PHLPP1: variants seen among roughly 807,000 people sequenced by gnomAD.
PHLPP1 encodes PH domain and leucine rich repeat protein phosphatase 1.
Under a neutral mutation model 117.2 loss-of-function variants are expected in PHLPP1, and 42 were observed. The observed-to-expected ratio is 0.36, with a 90% CI of 0.28 to 0.46. The LOEUF is 0.46. Among genes scored for constraint, PHLPP1 ranks in the 20% least tolerant of loss-of-function variants. The pLI is 1.00. For missense variants in PHLPP1, 2,084 were observed against 2,241.9 expected (o/e 0.93, Z 1.42); for synonymous variants, 1,042 against 970.7 (o/e 1.07, Z -1.37).
At chr18:62,959,496 G>C (rs770320757) in intron 13 of PHLPP1, among the ~76,000 whole-genome samples, 7 of 152,144 alleles carry the variant, frequency 4.6e-5, no homozygotes, top group Non-Finnish European at 8.8e-5. Context: ...AAGAGTTAAA[G>C]TGGTGTTATT....
At chr18:62,825,707 G>A (rs1914594331) in intron 1 of PHLPP1, among the ~76,000 whole-genome samples, 1 of 151,858 alleles carries the variant, frequency 6.6e-6, no homozygotes, top group Non-Finnish European at 1.5e-5. Context: ...TCCCACCTTG[G>A]CCTTTTAAAG....
intron 10 of PHLPP1, among the ~76,000 whole-genome samples, chr18:62,926,165 G>A (rs899330358): frequency 6.6e-6 from 1 of 152,126 alleles, no homozygotes; most frequent in Admixed American, 6.6e-5. Flanking sequence ...AGTCAATGAT[G>A]TTTAGAATAC....
rs192067156 is a variant in PHLPP1, at chr18:62,857,510, G to A, written c.1900-2925G>A. Among the ~76,000 whole-genome samples, 141 of 152,276 alleles carry A rather than the reference G, an allele frequency of 9.3e-4. No homozygotes were observed. In the Middle Eastern group the frequency reaches 0.014, roughly 15 times the overall value. On this transcript the variant is annotated intron_variant, in intron 3 of 16. Transcript: ENST00000262719. ...GATCAGTCTGTGGCTTCAGCAGATA[G>A]GACACTCAGATTGCTCAGACCTGGA...
intron 1 of PHLPP1, among the ~76,000 whole-genome samples, chr18:62,752,367 A>G (rs192014669): frequency 5.9e-5 from 9 of 152,348 alleles, no homozygotes; most frequent in Admixed American, 5.9e-4. Context: ...CTAAACAGGA[A>G]GATAAAGAGG....
chr18:62,806,275 C>G (rs1011102591), intron 1 of PHLPP1, among the ~76,000 whole-genome samples: 1 of 152,146 alleles, frequency 6.6e-6, no homozygotes, highest in Non-Finnish European at 1.5e-5. Flanking sequence ...TACTTGACTC[C>G]TTTCTGCCAT....
rs75558543 is a variant in PHLPP1, at chr18:62,733,560, C to T, written c.1576+16301C>T. Among the ~76,000 whole-genome samples, 625 of 152,198 alleles carry T rather than the reference C, an allele frequency of 4.1e-3. 3 individuals are homozygous for T. The highest frequency in any genetic ancestry group is 6.5e-3 in the Non-Finnish European group (441 of 68,008). On this transcript the variant is annotated intron_variant, in intron 1 of 16. Coordinates refer to ENST00000262719, the MANE Select transcript of PHLPP1 (RefSeq NM_194449.4). ...CATTCATTCATTTAATCAGTAATTA[C>T]TGTGATTATTTACTATATCGTGATC... is the stretch of plus-strand genomic sequence containing the variant.
At chr18:62,867,396 A>G (rs1454361341) in intron 4 of PHLPP1, among the ~76,000 whole-genome samples, 2 of 152,072 alleles carry the variant, frequency 1.3e-5, no homozygotes, top group Admixed American at 1.3e-4. Flanking sequence ...TATCCTCTCA[A>G]TATATAGGTG....
Position 62,945,225 on chromosome 18 carries a change from A to G in PHLPP1, c.3278A>G (p.Asn1093Ser), listed in dbSNP as rs138921683. 2.6e-5 allele frequency: 42 copies of G among 1,611,374 alleles called. No individual in the cohort carries two copies. The highest frequency in any genetic ancestry group is 1.3e-4 in the East Asian group (6 of 44,652). ...ATGCACACCGTGATTGCTCACTCCAACTGCATCGAGGTCTTTCCCGAAGTT... is the reference window on the plus strand; with the variant it reads ...ATGCACACCGTGATTGCTCACTCCAGCTGCATCGAGGTCTTTCCCGAAGTT... ...RRMHTVIAHSNCIEVFPEVMQ... is the reference protein window; with the variant it reads ...RRMHTVIAHSSCIEVFPEVMQ... Residue 1093 changes from asparagine to serine, a missense_variant, in exon 12 of 17, where the codon AAC becomes AGC. Physicochemically the swap from Asn to Ser is conservative, Grantham distance 46 (BLOSUM62 1). Around this residue, in one of 2 missense-constraint regions of PHLPP1, gnomAD observed 1,365 missense variants for 1,605.9 expected, o/e 0.85. Coordinates refer to ENST00000262719, the MANE Select transcript of PHLPP1 (RefSeq NM_194449.4).
At chr18:62,763,051 A>G (rs1350631632) in intron 1 of PHLPP1, among the ~76,000 whole-genome samples, 1 of 152,198 alleles carries the variant, frequency 6.6e-6, no homozygotes, top group Non-Finnish European at 1.5e-5. Context: ...CACAAAGTCT[A>G]CCAGTCTAAG....
intron 4 of PHLPP1, among the ~76,000 whole-genome samples, chr18:62,885,134 A>G (rs540561258): frequency 6.6e-6 from 1 of 152,368 alleles, no homozygotes; most frequent in East Asian, 1.9e-4. Flanking sequence ...GATTAAGCAC[A>G]TCTTATGACA....
rs1174442401 is a variant in PHLPP1 at position 62,895,133 on chromosome 18, C to T, written c.2189C>T (p.Pro730Leu). The T allele has an allele frequency of 2.5e-6, 4 of 1,613,874 alleles. No homozygotes were observed. The highest frequency in any genetic ancestry group is 1.7e-5 in the Admixed American group (1 of 60,020). The change falls in exon 5 of 17, where the codon CCG becomes CTG. Residue 730 changes from proline to leucine, a missense_variant. Pro to Leu is a moderately conservative substitution (Grantham distance 98, BLOSUM62 -3). Around this residue, in one of 2 missense-constraint regions of PHLPP1, gnomAD observed 1,365 missense variants for 1,605.9 expected, o/e 0.85. Transcript: ENST00000262719. ...TCCTGCAATGCCCTGCGATCAGTCC[C>T]GGCAGCCGTTGGAGTGATGCACAAG... ...NVSCNALRSV[P>L]AAVGVMHNLQ...
chr18:62,913,199 T>G (rs1917007001), intron 8 of PHLPP1, among the ~76,000 whole-genome samples: 1 of 152,190 alleles, frequency 6.6e-6, no homozygotes, highest in Non-Finnish European at 1.5e-5. Flanking sequence ...TCTAAGTTAT[T>G]TTATCACTTA....
At chr18:62,883,897 A>C (rs931334079) in intron 4 of PHLPP1, among the ~76,000 whole-genome samples, 2 of 152,156 alleles carry the variant, frequency 1.3e-5, no homozygotes, top group African/African-American at 4.8e-5. Flanking sequence ...GTCAATTAAA[A>C]ATCTTTGAAT....
chr18:62,821,572 GAAAA>G (rs1006561766), intron 1 of PHLPP1, among the ~76,000 whole-genome samples: 1 of 114,180 alleles, frequency 8.8e-6, no homozygotes, highest in Non-Finnish European at 1.9e-5. Context: ...AAAAAAAAAA[GAAAA>G]GAAAAAAGAA....
intron 1 of PHLPP1, among the ~76,000 whole-genome samples, chr18:62,798,677 G>GT (rs1207424162): frequency 1.3e-5 from 2 of 152,068 alleles, no homozygotes; most frequent in Admixed American, 6.5e-5. Context: ...TTTCCCTCTT[G>GT]TTTTTTATTG....
At chr18:62,885,772 C>T (rs1347208905) in intron 4 of PHLPP1, among the ~76,000 whole-genome samples, 1 of 152,240 alleles carries the variant, frequency 6.6e-6, no homozygotes, top group Non-Finnish European at 1.5e-5. Context: ...ACTAAACACT[C>T]TTTCCTTTTA....
At position 62,914,998 on chromosome 18, in the gene PHLPP1, C is replaced by G; in HGVS notation, c.2794C>G (p.Leu932Val). The G allele has an allele frequency of 6.2e-7, 1 of 1,611,194 alleles. No homozygotes were observed. Residue 932 changes from leucine (L) to valine (V), a missense_variant, in exon 9 of 17, where the codon CTT becomes GTT. Physicochemically the swap from Leu to Val is conservative, Grantham distance 32. Transcript: ENST00000262719. ...LDIGHNQICE[L>V]PARLFCNSSL... is the part of the protein sequence containing the mutation. ...TATTGGCCATAATCAAATATGTGAA[C>G]TTCCTGCCCGGTGAGTATTACAGAT...
chr18:62,873,994 C>G (rs999056514), intron 4 of PHLPP1, among the ~76,000 whole-genome samples: 3 of 149,492 alleles, frequency 2.0e-5, no homozygotes, highest in African/African-American at 4.9e-5. Context: ...ACCAGCCTGA[C>G]CAACACAGTG....
chr18:62,843,036 C>T (rs1915092606), intron 3 of PHLPP1: 1 of 152,196 alleles, frequency 6.6e-6, no homozygotes, highest in African/African-American at 2.4e-5. Context: ...CTTCAGCTTC[C>T]AGTTTCCCCC....
Sources: allele counts gnomAD v4.1 joint callset (sites outside exome capture counted in the v4.1 genomes callset), GRCh38; gene constraint gnomAD v4.1.1; regional missense constraint gnomAD v4.1.1; transcripts MANE v1.5; gene names NCBI Gene and HGNC (gene_info 2026-07-23, HGNC 2026-07-21).